Variants in STAT4 observed in about 807,000 individuals in gnomAD.
The protein encoded by STAT4 is signal transducer and activator of transcription 4.
STAT4 carries 42 observed loss-of-function variants against 110.5 expected under a neutral mutation model. The observed-to-expected ratio is 0.38, with a 90% CI of 0.30 to 0.49. The LOEUF is 0.49. STAT4 is among the 20% of genes least tolerant of loss of function. The pLI is 0.95. For synonymous variants in STAT4, 284 were observed against 302.2 expected (o/e 0.94, Z 0.63); for missense variants, 632 against 887.9 (o/e 0.71, Z 3.66).
At chr2:191,106,946 G>A (rs571316909) in intron 3 of STAT4, among the ~76,000 whole-genome samples, 3 of 152,290 alleles carry the variant, frequency 2.0e-5, no homozygotes, top group Admixed American at 6.5e-5. Flanking sequence ...AGTAAATTGA[G>A]CAAGAATGTT....
In STAT4 at chr2:191,059,744, G is replaced by C. The variant is rs3024862; in HGVS notation, c.1035-975C>G. On this transcript the variant is annotated intron_variant, in intron 10 of 23. Coordinates refer to ENST00000392320, the MANE Select transcript of STAT4 (RefSeq NM_003151.4). This position sits in a 1 kb window ranked among gnomAD's most constrained non-coding sequence, Gnocchi z 4.7. ...TCATGGGCAGCCCAAACAAAAGGGTGGGTAGAATGTTGCAAAGGCTCTTTA... is the reference window on the plus strand; with the variant it reads ...TCATGGGCAGCCCAAACAAAAGGGTCGGTAGAATGTTGCAAAGGCTCTTTA... Among the ~76,000 whole-genome samples the C allele has an allele frequency of 2.5e-3, 374 of 152,282 alleles. 1 individual carries two copies. The highest frequency in any genetic ancestry group is 8.5e-3 in the African/African-American group (354 of 41,542).
intron 3 of STAT4, among the ~76,000 whole-genome samples, chr2:191,129,505 A>G (rs1294563416): frequency 1.3e-5 from 2 of 152,210 alleles, no homozygotes; most frequent in Non-Finnish European, 2.9e-5. Flanking sequence ...TGCTTACAAC[A>G]TTGTATCAAA....
Position 191,066,556 on chromosome 2 carries a change from C to G in STAT4, c.545-41G>C, listed in dbSNP as rs999405074. 4 of 1,585,726 alleles carry G rather than the reference C, an allele frequency of 2.5e-6. No individual in the cohort carries two copies. Among genetic ancestry groups the G allele is most frequent in the Non-Finnish European group, 3.5e-6 (4 of 1,157,876 alleles). Reference sequence around the variant, plus strand: ...GATCAGATTTAGAGTTCTCTCTATTCCTGAAAGTCAAGTCAGCCTCAATCC... The same window carrying G: ...GATCAGATTTAGAGTTCTCTCTATTGCTGAAAGTCAAGTCAGCCTCAATCC... On this transcript the variant is annotated intron_variant, in intron 6 of 23. Transcript: ENST00000392320. This position sits in a 1 kb window ranked among gnomAD's most constrained non-coding sequence, Gnocchi z 4.3.
intron 3 of STAT4, among the ~76,000 whole-genome samples, chr2:191,079,748 A>G (rs1697411454): frequency 2.6e-5 from 4 of 152,014 alleles, no homozygotes; most frequent in East Asian, 1.9e-4. Context: ...TTTTCTATTT[A>G]TCTTTTTTTT....
chr2:191,088,413 AG>A (rs1559061394), intron 3 of STAT4, among the ~76,000 whole-genome samples: 1 of 152,240 alleles, frequency 6.6e-6, no homozygotes, highest in Non-Finnish European at 1.5e-5. Flanking sequence ...AAATCAAAGA[AG>A]AACTAAATAA....
At chr2:191,047,225 C>T (rs1444700540) in intron 14 of STAT4, among the ~76,000 whole-genome samples, 2 of 152,138 alleles carry the variant, frequency 1.3e-5, no homozygotes, top group African/African-American at 4.8e-5. Flanking sequence ...CCCTGTGCAT[C>T]TCTTCCACTT....
Position 191,035,233 on chromosome 2 carries a change from G to C in STAT4, c.1571-636C>G, listed in dbSNP as rs1159349372. On this transcript the variant is annotated intron_variant, in intron 17 of 23. Transcript: ENST00000392320. This position sits in a 1 kb window ranked among gnomAD's most constrained non-coding sequence, Gnocchi z 4.7. ...CTATACTACATGTTTAAAAGCTTTA[G>C]TCACTCTAACAAATGTTTATTGAAT... 6.6e-6 allele frequency among the ~76,000 whole-genome samples: 1 copy of C among 152,210 alleles called. No individual in the cohort carries two copies. Among genetic ancestry groups the C allele is most frequent in the Non-Finnish European group, 1.5e-5 (1 of 68,032 alleles).
chr2:191,102,038 C>A (rs1172774058), intron 3 of STAT4, among the ~76,000 whole-genome samples: 3 of 146,108 alleles, frequency 2.1e-5, no homozygotes, highest in Middle Eastern at 3.5e-3. Context: ...TCCTCTAATA[C>A]CTCATTTTAG....
In STAT4 at chr2:191,044,977, A is replaced by G. The variant is rs116449967; in HGVS notation, c.1252-3829T>C. On this transcript the variant is annotated intron_variant, in intron 14 of 23. Transcript: ENST00000392320. ...TGGCTTAGCTGTTAACAATTTTTAT[A>G]TAATCATAGTAAGGTAAACATCGAA... 6.6e-3 allele frequency among the ~76,000 whole-genome samples: 999 copies of G among 152,342 alleles called. 16 individuals are homozygous for G. The highest frequency in any genetic ancestry group is 0.023 in the African/African-American group (937 of 41,560).
chr2:191,101,629 T>C (rs1698151024), intron 3 of STAT4, among the ~76,000 whole-genome samples: 1 of 152,162 alleles, frequency 6.6e-6, no homozygotes, highest in Admixed American at 6.6e-5. Flanking sequence ...CATTCATTTA[T>C]GGTTTTCATA....
At chr2:191,052,879 A>G (rs1298811024) in intron 14 of STAT4, among the ~76,000 whole-genome samples, 1 of 152,192 alleles carries the variant, frequency 6.6e-6, no homozygotes, top group Admixed American at 6.5e-5. Context: ...GTTTTACTAG[A>G]ATCTCCTTAA....
rs562422005 is a variant in STAT4, at chr2:191,082,439, GACA to G, written c.274-6117_274-6115del. On this transcript the variant is annotated intron_variant, in intron 3 of 23. Transcript: ENST00000392320. This position sits in a 1 kb window ranked among gnomAD's most constrained non-coding sequence, Gnocchi z 4.7. The stretch of plus-strand genomic sequence containing the variant: ...ACAGTGCACATAATTCGATTGAAGT[GACA>G]ACAACATGATAGCTTTGACCCAGTT... Among the ~76,000 whole-genome samples, 133 of 152,330 alleles carry G rather than the reference GACA, an allele frequency of 8.7e-4. No homozygotes were observed. Among genetic ancestry groups the G allele is most frequent in the African/African-American group, 2.9e-3 (121 of 41,576 alleles).
At position 191,138,466 on chromosome 2, in the gene STAT4, A is replaced by G. The variant is rs1186888251; in HGVS notation, c.273+8147T>C. Reference sequence around the variant, plus strand: ...GAAATACAAAAGATTAGCTAAGGCTATTATGAACACTTTTATGTGCACAAA... The same window carrying G: ...GAAATACAAAAGATTAGCTAAGGCTGTTATGAACACTTTTATGTGCACAAA... On this transcript the variant is annotated intron_variant, in intron 3 of 23. Coordinates refer to ENST00000392320, the MANE Select transcript of STAT4 (RefSeq NM_003151.4). The surrounding 1 kb of genome is among the most constrained non-coding windows in gnomAD (Gnocchi z 4.3). Among the ~76,000 whole-genome samples, 1 of 152,220 alleles carries G rather than the reference A, an allele frequency of 6.6e-6. No individual in the cohort carries two copies. Among genetic ancestry groups the G allele is most frequent in the East Asian group, 1.9e-4 (1 of 5,204 alleles).
chr2:191,122,391 T>C (rs1698762946), intron 3 of STAT4, among the ~76,000 whole-genome samples: 1 of 151,406 alleles, frequency 6.6e-6, no homozygotes, highest in African/African-American at 2.4e-5. Flanking sequence ...TGAACTCTCA[T>C]ATACTTCTGT....
intron 3 of STAT4, among the ~76,000 whole-genome samples, chr2:191,128,933 T>A (rs1192643695): frequency 6.6e-6 from 1 of 152,176 alleles, no homozygotes; most frequent in Admixed American, 6.5e-5. Flanking sequence ...TTCCCATAAT[T>A]TAAAAAGCAA....
intron 3 of STAT4, among the ~76,000 whole-genome samples, chr2:191,096,230 A>G (rs907560852): frequency 6.6e-6 from 1 of 152,226 alleles, no homozygotes; most frequent in African/African-American, 2.4e-5. Flanking sequence ...AACTATTCCA[A>G]TCAATAGAAA....
rs1462260456 is a variant in STAT4, at chr2:191,050,640, A to G, written c.1251+3850T>C. 6.6e-6 allele frequency among the ~76,000 whole-genome samples: 1 copy of G among 152,038 alleles called. No homozygotes were observed. Among genetic ancestry groups the G allele is most frequent in the Non-Finnish European group, 1.5e-5 (1 of 67,996 alleles). On this transcript the variant is annotated intron_variant, in intron 14 of 23. Transcript: ENST00000392320. This position sits in a 1 kb window ranked among gnomAD's most constrained non-coding sequence, Gnocchi z 4.3. ...TATTCTTGAAAGTAAACTTCCCACC[A>G]GAGTTTCCATCTGTAAATATATAAA... is the stretch of plus-strand genomic sequence containing the variant.
chr2:191,139,594 A>C (rs1451445485), intron 3 of STAT4, among the ~76,000 whole-genome samples: 1 of 152,230 alleles, frequency 6.6e-6, no homozygotes, highest in African/African-American at 2.4e-5. Flanking sequence ...CTGCTGAAAG[A>C]AAGCATATAT....
At position 191,054,488 on chromosome 2, in the gene STAT4, A is replaced by G; in HGVS notation, c.1251+2T>C. On this transcript the variant is annotated splice_donor_variant, in intron 14 of 23. Transcript: ENST00000392320. LOFTEE classifies it high-confidence loss of function. ...AATTCTATAGGAGAAAACATTTCCT[A>G]CCTCATTTCCTTTACCTCCAGCACT... is the stretch of plus-strand genomic sequence containing the variant. 1 of 1,610,014 alleles carries G rather than the reference A, an allele frequency of 6.2e-7. No individual in the cohort carries two copies. The highest frequency in any genetic ancestry group is 1.1e-5 in the South Asian group (1 of 89,906).
Sources: allele counts gnomAD v4.1 joint callset (sites outside exome capture counted in the v4.1 genomes callset), GRCh38; gene constraint gnomAD v4.1.1; non-coding constraint Gnocchi (gnomAD v3.1); transcripts MANE v1.5; gene names NCBI Gene and HGNC (gene_info 2026-07-23, HGNC 2026-07-21).